ROBO1: variants seen among roughly 807,000 people sequenced by gnomAD.
The protein encoded by ROBO1 is roundabout homolog 1.
In ROBO1, 149 loss-of-function variants were observed where a neutral mutation model predicts 195.9. That is an observed-to-expected ratio of 0.76 (90% confidence interval 0.67 to 0.87). The LOEUF (loss-of-function observed/expected upper bound fraction) is 0.87, where lower values mean the gene tolerates loss of function less well. Among genes scored for constraint, ROBO1 ranks in the 40% least tolerant of loss-of-function variants. ROBO1 has a pLI of 0.00. For missense variants in ROBO1, 1,933 were observed against 2,068.3 expected (o/e 0.93, Z 1.27); for synonymous variants, 816 against 733.2 (o/e 1.11, Z -1.82).
At chr3:79,002,004 A>G (rs566942168) in intron 3 of ROBO1, among the ~76,000 whole-genome samples, 17 of 152,268 alleles carry the variant, frequency 1.1e-4, no homozygotes, top group Admixed American at 3.3e-4. Flanking sequence ...AGCTCCCACT[A>G]TGTGCTAGGT....
At chr3:79,115,415 A>C (rs1022513337) in intron 3 of ROBO1, among the ~76,000 whole-genome samples, 4 of 152,140 alleles carry the variant, frequency 2.6e-5, no homozygotes, top group African/African-American at 9.7e-5. Context: ...GTGAACACTT[A>C]CAAATAAATA....
chr3:79,199,727 G>T (rs769289756), intron 2 of ROBO1, among the ~76,000 whole-genome samples: 3 of 151,140 alleles, frequency 2.0e-5, no homozygotes, highest in Non-Finnish European at 4.4e-5. Flanking sequence ...ACATTTTTAG[G>T]ATGGGACACA....
intron 4 of ROBO1, among the ~76,000 whole-genome samples, chr3:78,857,314 A>G (rs754139275): frequency 6.6e-6 from 1 of 152,204 alleles, no homozygotes; most frequent in Non-Finnish European, 1.5e-5. Flanking sequence ...ATGTCTTACA[A>G]TCACAGTAGG....
At chr3:79,569,645 A>ATGTGTG (rs112113543) in intron 2 of ROBO1, among the ~76,000 whole-genome samples, 68 of 142,226 alleles carry the variant, frequency 4.8e-4, no homozygotes, top group African/African-American at 1.7e-3. Context: ...ATGTATAGAT[A>ATGTGTG]TGTGTGTGTG....
At chr3:79,066,226 A>G (rs1455834) in intron 3 of ROBO1, among the ~76,000 whole-genome samples, 151,945 of 151,976 alleles carry the variant, frequency 1, 75,957 homozygotes, top group Non-Finnish European at 1. Context: ...GTAAGGCAGG[A>G]AAAGGATTAT....
chr3:79,566,816 T>C (rs9879620), intron 2 of ROBO1, among the ~76,000 whole-genome samples: 84,707 of 151,944 alleles, frequency 0.56, 24,582 homozygotes, highest in African/African-American at 0.73. Flanking sequence ...GAAAGGAACA[T>C]GTATATACTG....
At chr3:79,703,439 T>C (rs936445731) in intron 1 of ROBO1, among the ~76,000 whole-genome samples, 5 of 151,742 alleles carry the variant, frequency 3.3e-5, no homozygotes, top group African/African-American at 9.7e-5. Context: ...TTTTTATTAA[T>C]GCCTGGGGTA....
chr3:78,901,912 A>G (rs567275795), intron 4 of ROBO1, among the ~76,000 whole-genome samples: 3 of 152,316 alleles, frequency 2.0e-5, no homozygotes, highest in African/African-American at 7.2e-5. Context: ...CTGATGAAAT[A>G]TAAGTATCCT....
At chr3:78,963,493 A>AG (rs2041492470) in intron 3 of ROBO1, among the ~76,000 whole-genome samples, 1 of 41,098 alleles carries the variant, frequency 2.4e-5, no homozygotes, top group Non-Finnish European at 5.0e-5. Context: ...GAAAACCTTC[A>AG]GTTTTTTTTT....
chr3:78,844,008 C>G (rs932460368), intron 4 of ROBO1, among the ~76,000 whole-genome samples: 1 of 152,058 alleles, frequency 6.6e-6, no homozygotes, highest in Non-Finnish European at 1.5e-5. Context: ...ACCAAGAAGA[C>G]TGTATTAACT....
intron 4 of ROBO1, among the ~76,000 whole-genome samples, chr3:78,852,888 T>G (rs561143957): frequency 6.6e-6 from 1 of 152,146 alleles, no homozygotes; most frequent in African/African-American, 2.4e-5. Context: ...TGTGAGCTAT[T>G]TGGCCAACAG....
chr3:78,688,037 CTT>C (rs1289796102), intron 9 of ROBO1, among the ~76,000 whole-genome samples: 5 of 152,222 alleles, frequency 3.3e-5, no homozygotes, highest in African/African-American at 1.2e-4. Flanking sequence ...CAATAATGAA[CTT>C]AGAGTTCAAA....
chr3:79,009,871 G>C (rs1216376763), intron 3 of ROBO1, among the ~76,000 whole-genome samples: 1 of 152,172 alleles, frequency 6.6e-6, no homozygotes, highest in Non-Finnish European at 1.5e-5. Context: ...TTGGATAACA[G>C]TGATTCTATT....
chr3:78,780,829 T>C (rs954117087), intron 4 of ROBO1, among the ~76,000 whole-genome samples: 3 of 152,140 alleles, frequency 2.0e-5, no homozygotes, highest in Non-Finnish European at 4.4e-5. Context: ...TGACTGGATT[T>C]TTCTCCGTGT....
chr3:78,869,964 A>G (rs867552619), intron 4 of ROBO1, among the ~76,000 whole-genome samples: 2 of 152,278 alleles, frequency 1.3e-5, no homozygotes, highest in Non-Finnish European at 1.5e-5. Flanking sequence ...TAACTTTAAA[A>G]AACTTGGATT....
chr3:79,590,201 T>G (rs1943955192), intron 1 of ROBO1, among the ~76,000 whole-genome samples: 1 of 151,832 alleles, frequency 6.6e-6, no homozygotes, highest in African/African-American at 2.4e-5. Context: ...TAATCATAAA[T>G]GATTCCTGGT....
chr3:79,675,549 G>C lies in ROBO1; in HGVS notation c.-50-85588C>G, dbSNP rs111757375. Among the ~76,000 whole-genome samples, 637 of 152,070 alleles carry C rather than the reference G, an allele frequency of 4.2e-3. 9 individuals are homozygous for C. The highest frequency in any genetic ancestry group is 0.015 in the African/African-American group (611 of 41,516). ...GGAGAAGACAAATGACAAAATGACAGGTAGCTGGAGGGTAAAGAGAAATAC... is the reference window on the plus strand; with the variant it reads ...GGAGAAGACAAATGACAAAATGACACGTAGCTGGAGGGTAAAGAGAAATAC... On this transcript the variant is annotated intron_variant, in intron 1 of 30. Coordinates refer to ENST00000464233, the MANE Select transcript of ROBO1 (RefSeq NM_002941.4).
chr3:79,037,727 A>C (rs923496357), intron 3 of ROBO1, among the ~76,000 whole-genome samples: 2 of 152,190 alleles, frequency 1.3e-5, no homozygotes, highest in Non-Finnish European at 2.9e-5. Flanking sequence ...ATTCTAAAAA[A>C]GTCATAAAAA....
intron 3 of ROBO1, among the ~76,000 whole-genome samples, chr3:79,061,514 A>G (rs2078917001): frequency 1.3e-5 from 2 of 152,180 alleles, no homozygotes; most frequent in African/African-American, 2.4e-5. Flanking sequence ...TAAAGTTCAT[A>G]TGGAATCAAG....
Sources: allele counts gnomAD v4.1 joint callset (sites outside exome capture counted in the v4.1 genomes callset), GRCh38; gene constraint gnomAD v4.1.1; transcripts MANE v1.5; gene names NCBI Gene and HGNC (gene_info 2026-07-23, HGNC 2026-07-21).